The following SMOC2 variants were observed in gnomAD, a reference collection of about 807,000 sequenced individuals.
SMOC2 encodes the protein SPARC-related modular calcium-binding protein 2.
A neutral mutation model predicts 61.4 loss-of-function variants in SMOC2; 39 were observed. The observed-to-expected ratio is 0.64, with a 90% CI of 0.49 to 0.83. The LOEUF is 0.83. SMOC2 is among the 40% of genes least tolerant of loss of function. The pLI, the probability that SMOC2 is intolerant of heterozygous loss-of-function variation, is 0.00. For synonymous variants in SMOC2, 247 were observed against 239.9 expected (o/e 1.03, Z -0.27); for missense variants, 556 against 592.9 (o/e 0.94, Z 0.65).
intron 1 of SMOC2, among the ~76,000 whole-genome samples, chr6:168,479,311 G>A (rs1782157253): frequency 6.6e-6 from 1 of 152,236 alleles, no homozygotes; most frequent in South Asian, 2.1e-4. Context: ...ATGTATAGGA[G>A]ATCTTTTGGA....
intron 9 of SMOC2, among the ~76,000 whole-genome samples, 166 bp downstream of exon 9, chr6:168,608,405 A>G (rs1785768149): frequency 1.3e-5 from 2 of 152,170 alleles, no homozygotes; most frequent in Admixed American, 6.5e-5. Flanking sequence ...GCAGGGAGAC[A>G]GGGGGCCAGG....
At chr6:168,526,512 G>T (rs1044089039) in intron 3 of SMOC2, 60 bp downstream of exon 3, 50 of 1,442,310 alleles carry the variant, frequency 3.5e-5, no homozygotes, top group Non-Finnish European at 4.7e-5. Flanking sequence ...GATGTGGAGC[G>T]GGTGTGGGGA....
chr6:168,551,540 G>A (rs533331043), intron 7 of SMOC2, among the ~76,000 whole-genome samples: 176 of 151,896 alleles, frequency 1.2e-3, no homozygotes, highest in Non-Finnish European at 1.8e-3. Flanking sequence ...TGTAACCTCC[G>A]CCTCCCAGGT....
chr6:168,489,804 CT>C (rs1782428204), intron 1 of SMOC2, among the ~76,000 whole-genome samples: 1 of 151,932 alleles, frequency 6.6e-6, no homozygotes, highest in Non-Finnish European at 1.5e-5. Flanking sequence ...ATGGAATCAT[CT>C]GGGTCCCCTT....
At chr6:168,516,504 G>C (rs1783137818) in intron 2 of SMOC2, among the ~76,000 whole-genome samples, 1 of 152,172 alleles carries the variant, frequency 6.6e-6, no homozygotes, top group South Asian at 2.1e-4. Context: ...GCGAGTCTCA[G>C]TGAAGGGAAC....
At chr6:168,610,942 C>T (rs374622601) in intron 9 of SMOC2, among the ~76,000 whole-genome samples, 38,663 of 151,406 alleles carry the variant, frequency 0.26, 5,042 homozygotes, top group Non-Finnish European at 0.27. Flanking sequence ...TTAAACCACA[C>T]CTTCCTAAAC....
chr6:168,525,509 G>GT (rs1415599400), intron 2 of SMOC2, among the ~76,000 whole-genome samples: 2 of 152,180 alleles, frequency 1.3e-5, no homozygotes, highest in Non-Finnish European at 2.9e-5. Flanking sequence ...TTCTGAATTA[G>GT]TTTTTTTCCA....
intron 4 of SMOC2, among the ~76,000 whole-genome samples, chr6:168,538,744 G>T (rs1783807121): frequency 7.3e-6 from 1 of 137,264 alleles, no homozygotes; most frequent in African/African-American, 2.8e-5. Flanking sequence ...GAATGTGGGG[G>T]AGTGGGGTGA....
At chr6:168,530,121 G>T (rs761520943) in intron 4 of SMOC2, among the ~76,000 whole-genome samples, 1 of 152,170 alleles carries the variant, frequency 6.6e-6, no homozygotes, top group African/African-American at 2.4e-5. Context: ...CAGACAATGA[G>T]ATTTAAAAAG....
intron 8 of SMOC2, among the ~76,000 whole-genome samples, chr6:168,603,175 G>A (rs563103200): frequency 1.3e-5 from 2 of 149,790 alleles, no homozygotes; most frequent in Non-Finnish European, 3.0e-5. Context: ...CGTCTCCTTT[G>A]CTTTCTGCCA....
At chr6:168,470,227 A>T (rs1042847224) in intron 1 of SMOC2, among the ~76,000 whole-genome samples, 1 of 152,250 alleles carries the variant, frequency 6.6e-6, no homozygotes, top group Admixed American at 6.5e-5. Context: ...GTCTGCCAGT[A>T]TCAGTCTCTG....
intron 8 of SMOC2, among the ~76,000 whole-genome samples, chr6:168,601,210 C>A (rs904618988): frequency 6.6e-6 from 1 of 152,226 alleles, no homozygotes; most frequent in Admixed American, 6.5e-5. Context: ...CCTGTTTCAC[C>A]AAGATCGGGT....
intron 7 of SMOC2, among the ~76,000 whole-genome samples, chr6:168,575,905 C>T (rs1240648052): frequency 6.6e-6 from 1 of 151,054 alleles, no homozygotes; most frequent in Non-Finnish European, 1.5e-5. Context: ...ACTTGGGTGC[C>T]CTCCCAAGCA....
chr6:168,616,681 C>T (rs956059368), intron 9 of SMOC2, among the ~76,000 whole-genome samples: 11 of 152,078 alleles, frequency 7.2e-5, no homozygotes, highest in African/African-American at 2.4e-4. Context: ...TTTTAGGAAG[C>T]GTAACAGTGA....
intron 9 of SMOC2, among the ~76,000 whole-genome samples, chr6:168,609,444 G>C (rs1412906004): frequency 6.6e-6 from 1 of 152,168 alleles, no homozygotes; most frequent in African/African-American, 2.4e-5. Flanking sequence ...TCGCAGGTGA[G>C]GGTGGGGGAA....
intron 1 of SMOC2, among the ~76,000 whole-genome samples, chr6:168,498,734 GC>G (rs1782652010): frequency 8.2e-6 from 1 of 121,906 alleles, no homozygotes; most frequent in African/African-American, 2.7e-5. Flanking sequence ...TGGGGGGATG[GC>G]CAGGGCCCAT....
chr6:168,639,507 G>A (rs1786838110), intron 9 of SMOC2, among the ~76,000 whole-genome samples: 1 of 152,160 alleles, frequency 6.6e-6, no homozygotes, highest in African/African-American at 2.4e-5. Context: ...GTTGTGTTGG[G>A]AACATTCCAG....
chr6:168,662,375 A>G (rs1787530136), intron 11 of SMOC2, among the ~76,000 whole-genome samples: 1 of 152,168 alleles, frequency 6.6e-6, no homozygotes, highest in Non-Finnish European at 1.5e-5. Flanking sequence ...GCAAGGTGCG[A>G]GTGAGTGGAG....
rs186680713 is a variant in SMOC2, at chr6:168,582,158, T to C, written c.638-16660T>C. ...AACGGTGGTTATTTTGTTGTAGGGA[T>C]CCCATGGATGGGTTTTGGAGATGAC... On this transcript the variant is annotated intron_variant, in intron 7 of 12. Transcript: ENST00000356284. Among the ~76,000 whole-genome samples the C allele has an allele frequency of 3.1e-3, 471 of 152,268 alleles. 1 individual carries two copies. Among genetic ancestry groups the C allele is most frequent in the African/African-American group, 0.011 (446 of 41,534 alleles).
Sources: allele counts gnomAD v4.1 joint callset (sites outside exome capture counted in the v4.1 genomes callset), GRCh38; gene constraint gnomAD v4.1.1; transcripts MANE v1.5; gene names NCBI Gene and HGNC (gene_info 2026-07-23, HGNC 2026-07-21).